The following ANO6 variants were observed in gnomAD, a reference collection of about 807,000 sequenced individuals.
ANO6 encodes the protein anoctamin 6, also known as anoctamin-6.
In ANO6, 106 loss-of-function variants were observed where a neutral mutation model predicts 117.5. The observed-to-expected ratio is 0.90, with a 90% CI of 0.77 to 1.06. The LOEUF is 1.06. ANO6 is among the 50% of genes least tolerant of loss of function. The pLI is 0.00. For missense variants in ANO6, 955 were observed against 1,121.1 expected (o/e 0.85, Z 2.12); for synonymous variants, 367 against 385.1 (o/e 0.95, Z 0.55).
At chr12:45,332,665 T>C (rs149669329) in intron 3 of ANO6, among the ~76,000 whole-genome samples, 1 of 152,172 alleles carries the variant, frequency 6.6e-6, no homozygotes, top group African/African-American at 2.4e-5. Flanking sequence ...AGGTCAAATG[T>C]AGCATCCCTG....
chr12:45,360,817 A>G (rs929585938), intron 8 of ANO6, among the ~76,000 whole-genome samples: 1 of 152,200 alleles, frequency 6.6e-6, no homozygotes, highest in African/African-American at 2.4e-5. Flanking sequence ...ATATCCGGGT[A>G]TACCAGCACC....
chr12:45,301,766 T>C (rs1939496964), intron 1 of ANO6, among the ~76,000 whole-genome samples: 1 of 152,248 alleles, frequency 6.6e-6, no homozygotes. Context: ...TGATTTTCAG[T>C]GGTAGACCTT....
At chr12:45,260,473 G>A (rs1937988273) in intron 1 of ANO6, among the ~76,000 whole-genome samples, 1 of 152,218 alleles carries the variant, frequency 6.6e-6, no homozygotes, top group African/African-American at 2.4e-5. Context: ...AAGGACAAAG[G>A]TTATGGGAGC....
In ANO6 at chr12:45,429,502, A is replaced by C; in HGVS notation, c.*191A>C. 1 of 1,413,402 alleles carries C rather than the reference A, an allele frequency of 7.1e-7. No homozygotes were observed. The highest frequency in any genetic ancestry group is 9.2e-7 in the Non-Finnish European group (1 of 1,087,898). The allele number at this position is 1,413,402 out of a possible 1,614,324, so 87.6% of individuals were successfully genotyped here. A position where few individuals can be genotyped will look rare whatever the true frequency, so the allele number is the denominator to read the frequency against. ...GGAAAATGTAAAACTTAGATCATGAAGGGCATAAAACTTATCACCCGGAAA... is the reference window on the plus strand; with the variant it reads ...GGAAAATGTAAAACTTAGATCATGACGGGCATAAAACTTATCACCCGGAAA... On this transcript the variant is annotated 3_prime_UTR_variant, in exon 20 of 20. Transcript: ENST00000320560.
chr12:45,431,661 G>A lies in ANO6; in HGVS notation c.*2350G>A. ...CCCATGCCATCCACAGTGTTTGTTA[G>A]TGAGTCCACGGCTGACTTGCAGTGA... On this transcript the variant is annotated 3_prime_UTR_variant, in exon 20 of 20. Coordinates refer to ENST00000320560, the MANE Select transcript of ANO6 (RefSeq NM_001025356.3). The A allele has an allele frequency of 3.0e-6, 3 of 985,446 alleles. No individual in the cohort carries two copies. Among genetic ancestry groups the A allele is most frequent in the Non-Finnish European group, 3.6e-6 (3 of 829,930 alleles). 61.0% of individuals were successfully genotyped at this position (985,446 alleles called of 1,614,324 possible). A position where few individuals can be genotyped will look rare whatever the true frequency, so the allele number is the denominator to read the frequency against.
chr12:45,417,235 T>A (rs1943237518), intron 17 of ANO6, among the ~76,000 whole-genome samples: 2 of 152,218 alleles, frequency 1.3e-5, no homozygotes, highest in African/African-American at 2.4e-5. Flanking sequence ...ATGTTTTTTT[T>A]ATAATGTGGG....
At chr12:45,293,480 A>T (rs933648590) in intron 1 of ANO6, among the ~76,000 whole-genome samples, 1 of 151,824 alleles carries the variant, frequency 6.6e-6, no homozygotes, top group East Asian at 2.0e-4. Flanking sequence ...GTGAGCTGCA[A>T]ATTTTGCTTA....
At chr12:45,386,561 T>C (rs7302256) in intron 10 of ANO6, among the ~76,000 whole-genome samples, 20,418 of 152,156 alleles carry the variant, frequency 0.13, 1,842 homozygotes, top group East Asian at 0.46. Flanking sequence ...AGGATCTTGC[T>C]GCATCATGTA....
chr12:45,243,441 A>AC (rs1161000876), intron 1 of ANO6, among the ~76,000 whole-genome samples: 1 of 152,246 alleles, frequency 6.6e-6, no homozygotes, highest in Non-Finnish European at 1.5e-5. Context: ...TTGTCCACCC[A>AC]TGATAACCTG....
At chr12:45,265,287 A>G (rs559794140) in intron 1 of ANO6, among the ~76,000 whole-genome samples, 5 of 152,210 alleles carry the variant, frequency 3.3e-5, no homozygotes, top group Non-Finnish European at 7.3e-5. Context: ...ATACGAAGTT[A>G]TGGAGAACTA....
At chr12:45,236,656 C>T (rs1947649995) in intron 1 of ANO6, among the ~76,000 whole-genome samples, 1 of 152,188 alleles carries the variant, frequency 6.6e-6, no homozygotes, top group South Asian at 2.1e-4. Flanking sequence ...GGTTCCAAGT[C>T]TTTGCTATTG....
At chr12:45,370,099 G>T (rs530971593) in intron 9 of ANO6, among the ~76,000 whole-genome samples, 4 of 152,082 alleles carry the variant, frequency 2.6e-5, no homozygotes, top group Non-Finnish European at 5.9e-5. Flanking sequence ...GATTCAGACC[G>T]CTCTTAACAC....
chr12:45,288,904 C>G (rs564333017), intron 1 of ANO6, among the ~76,000 whole-genome samples: 1 of 151,904 alleles, frequency 6.6e-6, no homozygotes, highest in African/African-American at 2.4e-5. Context: ...CCTGCCACCA[C>G]GCCCGGCTAA....
intron 18 of ANO6, 118 bp downstream of exon 18, chr12:45,421,391 A>G (rs1209759211): frequency 7.5e-6 from 8 of 1,063,412 alleles, no homozygotes; most frequent in Non-Finnish European, 1.1e-5. Flanking sequence ...TTCAGGATCA[A>G]TCAGGTGCTT....
At chr12:45,286,060 G>A (rs1439584960) in intron 1 of ANO6, among the ~76,000 whole-genome samples, 2 of 152,234 alleles carry the variant, frequency 1.3e-5, no homozygotes, top group South Asian at 2.1e-4. Context: ...CTACTGGGCT[G>A]TGGAAGGTTG....
intron 1 of ANO6, among the ~76,000 whole-genome samples, chr12:45,257,024 A>G (rs185996690): frequency 1.6e-3 from 238 of 152,216 alleles, no homozygotes; most frequent in Non-Finnish European, 2.1e-3. Context: ...AATGTTTAAA[A>G]TCAACTGAGA....
intron 9 of ANO6, among the ~76,000 whole-genome samples, chr12:45,372,168 A>G (rs1941861136): frequency 6.6e-6 from 1 of 152,078 alleles, no homozygotes; most frequent in Admixed American, 6.5e-5. Context: ...AGAAAAGAGA[A>G]TAAAAAGAAA....
intron 1 of ANO6, among the ~76,000 whole-genome samples, chr12:45,270,946 C>G (rs1451888589): frequency 6.6e-6 from 1 of 152,120 alleles, no homozygotes; most frequent in East Asian, 1.9e-4. Flanking sequence ...TCTTGAACTC[C>G]TGACCTCAAG....
At chr12:45,391,800 A>C (rs1434378875) in intron 12 of ANO6, among the ~76,000 whole-genome samples, 3 of 152,188 alleles carry the variant, frequency 2.0e-5, no homozygotes, top group Non-Finnish European at 4.4e-5. Context: ...TGGAGGTTGC[A>C]GGGAGCCGAG....
Sources: allele counts gnomAD v4.1 joint callset (sites outside exome capture counted in the v4.1 genomes callset), GRCh38; gene constraint gnomAD v4.1.1; transcripts MANE v1.5; gene names NCBI Gene and HGNC (gene_info 2026-07-23, HGNC 2026-07-21).